The following USP34 variants were observed in gnomAD, a reference collection of about 807,000 sequenced individuals.
The protein encoded by USP34 is ubiquitin carboxyl-terminal hydrolase 34.
In USP34, 70 loss-of-function variants were observed where a neutral mutation model predicts 460.3. The ratio of observed to expected loss-of-function variants is 0.15; its 90% CI spans 0.13 to 0.19. The LOEUF (loss-of-function observed/expected upper bound fraction) is 0.19, where lower values mean the gene tolerates loss of function less well. Among genes scored for constraint, USP34 ranks in the 10% least tolerant of loss-of-function variants. The probability of loss-of-function intolerance (pLI) is 1.00; values close to 1 mark genes in which losing one functional copy is unlikely to be tolerated. For synonymous variants in USP34, 1,647 were observed against 1,405.3 expected, an observed-to-expected ratio of 1.17 and a Z score of -3.85; for missense variants, 3,985 against 4,236.2, an observed-to-expected ratio of 0.94 and a Z score of 1.65.
intron 27 of USP34, among the ~76,000 whole-genome samples, chr2:61,302,463 T>C (rs547803716): frequency 6.6e-6 from 1 of 152,374 alleles, no homozygotes; most frequent in East Asian, 1.9e-4. Flanking sequence ...TGCTAATCAT[T>C]GTGTAGCTAA....
In USP34 at chr2:61,265,383, G is replaced by T. The variant is rs1282978531; in HGVS notation, c.5778+14C>A. 3 of 1,592,962 alleles carry T rather than the reference G, an allele frequency of 1.9e-6. No homozygotes were observed. Among genetic ancestry groups the T allele is most frequent in the South Asian group, 2.4e-5 (2 of 84,256 alleles). ...GGTTTATAATTTTGATTTTTAAAGT[G>T]AGGAAAATTCTACCTTGGCAGTGAA... On this transcript the variant is annotated intron_variant, in intron 43 of 79. Transcript: ENST00000398571.
chr2:61,329,198 G>C (rs907356153), intron 20 of USP34, among the ~76,000 whole-genome samples: 15 of 148,290 alleles, frequency 1.0e-4, no homozygotes, highest in African/African-American at 3.7e-4. Flanking sequence ...TTTTTTTTTT[G>C]TATTTTTAGT....
chr2:61,309,586 C>T (rs1473994935), intron 27 of USP34, among the ~76,000 whole-genome samples: 1 of 152,130 alleles, frequency 6.6e-6, no homozygotes, highest in African/African-American at 2.4e-5. Context: ...CTTATTTGTA[C>T]TTGGATTGTC....
At chr2:61,451,575 G>A (rs1481247056) in intron 1 of USP34, among the ~76,000 whole-genome samples, 4 of 151,902 alleles carry the variant, frequency 2.6e-5, no homozygotes, top group Non-Finnish European at 4.4e-5. Flanking sequence ...CCAGCTACTC[G>A]GAAGGTTGAG....
chr2:61,298,845 T>G (rs1379830472), intron 29 of USP34, among the ~76,000 whole-genome samples: 2 of 152,130 alleles, frequency 1.3e-5, no homozygotes, highest in African/African-American at 4.8e-5. Flanking sequence ...GTCCTAGTAT[T>G]TAAATTACAC....
chr2:61,236,411 T>C (rs778526050), intron 53 of USP34, 22 bp from the exon 54 acceptor site: 5 of 1,554,226 alleles, frequency 3.2e-6, no homozygotes, highest in Middle Eastern at 1.8e-4. Flanking sequence ...AATGTTAACA[T>C]TAGTGATAAA....
At chr2:61,379,303 G>A (rs1442736161) in intron 7 of USP34, among the ~76,000 whole-genome samples, 1 of 152,186 alleles carries the variant, frequency 6.6e-6, no homozygotes, top group Non-Finnish European at 1.5e-5. Flanking sequence ...TGGATCACCT[G>A]AGGTCAGGAA....
chr2:61,345,834 A>G (rs999880889), intron 15 of USP34, among the ~76,000 whole-genome samples: 1 of 152,092 alleles, frequency 6.6e-6, no homozygotes, highest in African/African-American at 2.4e-5. Flanking sequence ...ACAGGGCCCC[A>G]CTAAGTTGCT....
At chr2:61,453,029 T>TG (rs1695331259) in intron 1 of USP34, among the ~76,000 whole-genome samples, 1 of 151,426 alleles carries the variant, frequency 6.6e-6, no homozygotes, top group South Asian at 2.1e-4. Flanking sequence ...CTAATATTTT[T>TG]AAAAAAAAAG....
chr2:61,343,981 GCTA>G lies in USP34; in HGVS notation c.2331_2333del (p.Ser779del), dbSNP rs1558539999. ...TTTCTGATTTTGCACTAACCTGGGA[GCTA>G]CTACAACTGACATCATCTGCACTTA... is the stretch of plus-strand genomic sequence containing the variant. On this transcript the variant is annotated inframe_deletion, in exon 16 of 80. Transcript: ENST00000398571. 3.1e-6 allele frequency: 5 copies of G among 1,613,686 alleles called. No individual in the cohort carries two copies. The highest frequency in any genetic ancestry group is 1.3e-5 in the African/African-American group (1 of 74,872).
intron 15 of USP34, among the ~76,000 whole-genome samples, chr2:61,347,285 T>C (rs917670297): frequency 6.6e-6 from 1 of 152,212 alleles, no homozygotes; most frequent in African/African-American, 2.4e-5. Context: ...GGAAATACCT[T>C]AGTAATTTTT....
chr2:61,454,927 G>A (rs1483542364), intron 1 of USP34, among the ~76,000 whole-genome samples: 4 of 142,294 alleles, frequency 2.8e-5, no homozygotes, highest in Admixed American at 7.4e-5. Flanking sequence ...GCCCAGACTG[G>A]ATGGAGTGCA....
intron 33 of USP34, among the ~76,000 whole-genome samples, chr2:61,290,843 T>TAA (rs1689828810): frequency 6.6e-6 from 1 of 152,124 alleles, no homozygotes; most frequent in Non-Finnish European, 1.5e-5. Flanking sequence ...AAGTGAGAGC[T>TAA]AAAACCAGAA....
intron 10 of USP34, among the ~76,000 whole-genome samples, chr2:61,366,617 G>C (rs907557260): frequency 6.6e-6 from 1 of 152,140 alleles, no homozygotes; most frequent in Non-Finnish European, 1.5e-5. Context: ...AGACAAATGA[G>C]AAAAGTACGA....
intron 25 of USP34, 23 bp downstream of exon 25, chr2:61,314,562 C>T (rs780083356): frequency 2.8e-6 from 4 of 1,453,458 alleles, no homozygotes; most frequent in South Asian, 1.7e-5. Context: ...TTCATTCTAA[C>T]AGTGTGATAT....
intron 1 of USP34, among the ~76,000 whole-genome samples, chr2:61,421,459 T>TA (rs1228740463): frequency 2.0e-5 from 3 of 152,224 alleles, no homozygotes; most frequent in Non-Finnish European, 4.4e-5. Context: ...TAACCATTCT[T>TA]ATAATTCCAT....
In USP34 at chr2:61,188,897, C is replaced by T; in HGVS notation, c.10033+13G>A. On this transcript the variant is annotated intron_variant, in intron 79 of 79. Coordinates refer to ENST00000398571, the MANE Select transcript of USP34 (RefSeq NM_014709.4). Reference sequence around the variant, plus strand: ...CCACCCTAAAGGTAATGATAGTAGTCCATAAAGCTAACCTTTAGTTTTTCT... The same window carrying T: ...CCACCCTAAAGGTAATGATAGTAGTTCATAAAGCTAACCTTTAGTTTTTCT... 2 of 1,613,768 alleles carry T rather than the reference C, an allele frequency of 1.2e-6. No individual in the cohort carries two copies. Among genetic ancestry groups the T allele is most frequent in the African/African-American group, 1.3e-5 (1 of 74,994 alleles).
chr2:61,348,591 CT>C lies in USP34; in HGVS notation c.1675-112del. ...AAAGGCTGCCAGTCTTGTTATACTC[CT>C]TTGAACAATACAAAATGGAATTAAA... On this transcript the variant is annotated intron_variant, in intron 14 of 79. Coordinates refer to ENST00000398571, the MANE Select transcript of USP34 (RefSeq NM_014709.4). 2.1e-6 allele frequency: 3 copies of C among 1,456,318 alleles called. No individual in the cohort carries two copies. The South Asian group carries it at 4.3e-5, about 21-fold the overall frequency. 90.2% of individuals were successfully genotyped at this position (1,456,318 alleles called of 1,614,324 possible).
At chr2:61,417,574 A>G (rs1694231425) in intron 2 of USP34, among the ~76,000 whole-genome samples, 1 of 152,116 alleles carries the variant, frequency 6.6e-6, no homozygotes, top group Non-Finnish European at 1.5e-5. Flanking sequence ...TGGATATACA[A>G]AAGAAGTTGT....
Sources: gnomAD v4.1 joint callset for allele counts (sites outside exome capture counted in the v4.1 genomes callset) on GRCh38, gnomAD v4.1.1 for gene constraint, MANE v1.5 for transcripts, NCBI Gene and HGNC (gene_info 2026-07-23, HGNC 2026-07-21) for gene names.